The following TINAG variants were observed in gnomAD, a reference collection of about 807,000 sequenced individuals.
TINAG encodes the protein tubulointerstitial nephritis antigen.
In TINAG, 83 loss-of-function variants were observed where a neutral mutation model predicts 72.7. The observed-to-expected ratio is 1.14, with a 90% CI of 0.96 to 1.37. The LOEUF (loss-of-function observed/expected upper bound fraction) is 1.37, where lower values mean the gene tolerates loss of function less well. Ranked by LOEUF, TINAG falls within the 40% of genes most tolerant of loss-of-function variation. TINAG has a pLI of 0.00. For missense variants in TINAG, 685 were observed against 576.6 expected, an observed-to-expected ratio of 1.19 and a Z score of -1.93; for synonymous variants, 234 against 189.9, an observed-to-expected ratio of 1.23 and a Z score of -1.91.
intron 9 of TINAG, among the ~76,000 whole-genome samples, chr6:54,372,808 T>C (rs1330122025): frequency 4.7e-5 from 7 of 148,602 alleles, no homozygotes; most frequent in Non-Finnish European, 1.0e-4. Context: ...ATTCTGATAA[T>C]GAATGAACCA....
intron 6 of TINAG, 147 bp downstream of exon 6, chr6:54,347,664 A>G: frequency 1.2e-6 from 1 of 845,780 alleles, no homozygotes; most frequent in Non-Finnish European, 1.7e-6. Flanking sequence ...CTACATTTAA[A>G]TGTATACTAT....
Position 54,349,785 on chromosome 6 carries a change from A to G in TINAG, c.969A>G (p.Ala323=). 1 of 1,606,762 alleles carries G rather than the reference A, an allele frequency of 6.2e-7. No homozygotes were observed. The highest frequency in any genetic ancestry group is 2.2e-5 in the East Asian group (1 of 44,570). Residue 323 remains alanine, a synonymous_variant, in exon 7 of 11, where the codon GCA becomes GCG. Coordinates refer to ENST00000259782, the MANE Select transcript of TINAG (RefSeq NM_014464.4). ...QNATNNGCAM[A]SRSDGRGKRH... is the part of the protein sequence containing the mutation. The stretch of plus-strand genomic sequence containing the variant: ...CTACCAACAATGGATGTGCCATGGC[A>G]AGCAGGTCTGATGGGCGAGGAAAAC...
intron 9 of TINAG, among the ~76,000 whole-genome samples, chr6:54,378,267 A>G (rs1196182449): frequency 6.6e-6 from 1 of 152,176 alleles, no homozygotes; most frequent in Non-Finnish European, 1.5e-5. Context: ...CTCTGAAACT[A>G]TTAGATTCAG....
chr6:54,354,319 AGTT>A (rs894538492), intron 8 of TINAG, among the ~76,000 whole-genome samples, 191 bp from the exon 9 acceptor site: 1 of 151,912 alleles, frequency 6.6e-6, no homozygotes, highest in Non-Finnish European at 1.5e-5. Flanking sequence ...AATAGCTAAA[AGTT>A]GTTTTTATAA....
chr6:54,347,281 G>C (rs901654356), intron 5 of TINAG, 86 bp from the exon 6 acceptor site: 1 of 1,366,608 alleles, frequency 7.3e-7, no homozygotes, highest in Non-Finnish European at 1.0e-6. Context: ...TAAAGACTAC[G>C]TTAGGGTTCA....
At chr6:54,335,166 G>T (rs1213742942) in intron 4 of TINAG, among the ~76,000 whole-genome samples, 1 of 152,018 alleles carries the variant, frequency 6.6e-6, no homozygotes, top group Non-Finnish European at 1.5e-5. Flanking sequence ...CTGCAGCTTG[G>T]AATATTTTAT....
At chr6:54,362,236 C>T (rs1312826338) in intron 9 of TINAG, among the ~76,000 whole-genome samples, 1 of 151,660 alleles carries the variant, frequency 6.6e-6, no homozygotes, top group Non-Finnish European at 1.5e-5. Context: ...ACATCAGTGC[C>T]TGATATCAAA....
chr6:54,348,440 G>T (rs1197913662), intron 6 of TINAG, among the ~76,000 whole-genome samples: 2 of 152,000 alleles, frequency 1.3e-5, no homozygotes, highest in Admixed American at 1.3e-4. Flanking sequence ...GTATTGGATT[G>T]CTTGGGGTAC....
At chr6:54,359,320 G>T (rs1292686756) in intron 9 of TINAG, among the ~76,000 whole-genome samples, 1 of 151,514 alleles carries the variant, frequency 6.6e-6, no homozygotes, top group African/African-American at 2.4e-5. Flanking sequence ...ATCAATTTTT[G>T]CCCAATCTAG....
rs1453448149 is a variant in TINAG, at chr6:54,343,236, C to A, written c.635C>A (p.Pro212His). ...CTTCTTCCTCTTTAGGCTTCTTTAC[C>A]TGCAACAACTGATCTTCCAGAGTTT... ...LSMNEMTASL[P>H]ATTDLPEFFV... Residue 212 changes from proline to histidine, a missense_variant, in exon 5 of 11, where the codon CCT becomes CAT. Physicochemically the swap from Pro to His is moderately conservative, Grantham distance 77. Transcript: ENST00000259782. 3.8e-6 allele frequency: 6 copies of A among 1,562,132 alleles called. No homozygotes were observed. The Admixed American group carries it at 7.1e-5, about 19-fold the overall frequency.
At chr6:54,365,748 CATTAG>C (rs1343407963) in intron 9 of TINAG, among the ~76,000 whole-genome samples, 3 of 151,466 alleles carry the variant, frequency 2.0e-5, no homozygotes, top group Non-Finnish European at 4.4e-5. Context: ...AGGAAAAACC[CATTAG>C]AGATTCAAAT....
chr6:54,365,786 T>C (rs774483274), intron 9 of TINAG, among the ~76,000 whole-genome samples: 2 of 151,590 alleles, frequency 1.3e-5, no homozygotes, highest in Non-Finnish European at 3.0e-5. Flanking sequence ...GAGAGCTACC[T>C]TGGTCTGTAT....
In TINAG at chr6:54,337,200, TTAAAG is replaced by T. The variant is rs550907331; in HGVS notation, c.625-6022_625-6018del. On this transcript the variant is annotated intron_variant, in intron 4 of 10. Coordinates refer to ENST00000259782, the MANE Select transcript of TINAG (RefSeq NM_014464.4). The stretch of plus-strand genomic sequence containing the variant: ...GGCATAAGAAATATCTTTGAAAATC[TTAAAG>T]TAATTTTCCAAGTTTAGTTTCTACT... Among the ~76,000 whole-genome samples, 57 of 151,872 alleles carry T rather than the reference TTAAAG, an allele frequency of 3.8e-4. No individual in the cohort carries two copies. The South Asian group carries it at 0.011, about 29-fold the overall frequency.
At chr6:54,308,235 T>C (rs1312343845), upstream of TINAG, 2 of 909,242 alleles carry the variant, frequency 2.2e-6, no homozygotes, top group Non-Finnish European at 3.4e-6. Flanking sequence ...AGGCATGCAA[T>C]AGTCAATGTA....
At chr6:54,338,582 G>T (rs552275267) in intron 4 of TINAG, among the ~76,000 whole-genome samples, 7 of 151,902 alleles carry the variant, frequency 4.6e-5, no homozygotes, top group Non-Finnish European at 1.0e-4. Flanking sequence ...AAATTAGCCG[G>T]GTGTGGTGGC....
chr6:54,384,864 C>G (rs1764053954), intron 10 of TINAG, among the ~76,000 whole-genome samples: 1 of 152,100 alleles, frequency 6.6e-6, no homozygotes, highest in South Asian at 2.1e-4. Flanking sequence ...GGATATTACA[C>G]ATAAATATTG....
intron 4 of TINAG, among the ~76,000 whole-genome samples, chr6:54,337,723 A>G (rs1233264373): frequency 6.6e-6 from 1 of 152,210 alleles, no homozygotes; most frequent in Admixed American, 6.5e-5. Context: ...ATTGAGCAAT[A>G]ACGACCATTT....
chr6:54,320,633 G>T lies in TINAG; in HGVS notation c.410G>T (p.Cys137Phe). 1 of 1,607,620 alleles carries T rather than the reference G, an allele frequency of 6.2e-7. No homozygotes were observed. The highest frequency in any genetic ancestry group is 8.5e-7 in the Non-Finnish European group (1 of 1,176,660). ...GAGGGATCAGTAATTAAAGAAAACT[G>T]CAACTCCTGGTAATAAATTTAAGTG... ...YEEGSVIKEN[C>F]NSCTCSGQQW... The change falls in exon 2 of 11, where the codon TGC (cysteine) becomes TTC (phenylalanine). Residue 137 changes from cysteine to phenylalanine, a missense_variant. Transcript: ENST00000259782.
intron 9 of TINAG, among the ~76,000 whole-genome samples, chr6:54,363,612 C>T (rs535706093): frequency 4.3e-5 from 5 of 116,120 alleles, no homozygotes; most frequent in East Asian, 5.1e-4. Context: ...AAAGTGCCAA[C>T]GGGTATCAAA....
Sources: allele counts gnomAD v4.1 joint callset (sites outside exome capture counted in the v4.1 genomes callset), GRCh38; gene constraint gnomAD v4.1.1; transcripts MANE v1.5; gene names NCBI Gene and HGNC (gene_info 2026-07-23, HGNC 2026-07-21).